The following NTNG1 variants were observed in gnomAD, a reference collection of about 807,000 sequenced individuals.
NTNG1 encodes the protein netrin G1, also known as netrin-G1.
In NTNG1, 16 loss-of-function variants were observed where a neutral mutation model predicts 54.0. The observed-to-expected ratio is 0.30, with a 90% CI of 0.20 to 0.45. The LOEUF (loss-of-function observed/expected upper bound fraction) is 0.45, where lower values mean the gene tolerates loss of function less well. Ranked by LOEUF, NTNG1 falls within the 20% of genes least tolerant of loss-of-function variation. NTNG1 has a pLI of 1.00. For missense variants in NTNG1, 530 were observed against 678.7 expected, an observed-to-expected ratio of 0.78 and a Z score of 2.43; for synonymous variants, 255 against 263.1, an observed-to-expected ratio of 0.97 and a Z score of 0.30.
intron 2 of NTNG1, among the ~76,000 whole-genome samples, chr1:107,246,962 T>C (rs1162468897): frequency 1.1e-5 from 1 of 87,120 alleles, no homozygotes; most frequent in African/African-American, 2.7e-5. Context: ...TGTCACATTA[T>C]CTGCCACTTC....
Position 107,395,236 on chromosome 1 carries a change from C to A in NTNG1, c.970C>A (p.Pro324Thr), listed in dbSNP as rs1167417730. Reference sequence around the variant, plus strand: ...CGAATGTGAGCACAACACTACAGGTCCAGACTGTGGGAAATGCAAGAAGAA... The same window carrying A: ...CGAATGTGAGCACAACACTACAGGTACAGACTGTGGGAAATGCAAGAAGAA... ...TCECEHNTTG[P>T]DCGKCKKNYQ... is the part of the protein sequence containing the mutation. The change falls in exon 4 of 8, where the codon CCA becomes ACA. Residue 324 changes from proline to threonine, a missense_variant. Physicochemically the swap from Pro to Thr is conservative, Grantham distance 38. Around this residue, in one of 2 missense-constraint regions of NTNG1, gnomAD observed 318 missense variants for 465.1 expected, o/e 0.68. Coordinates refer to ENST00000370068, the MANE Select transcript of NTNG1 (RefSeq NM_001113226.3). 2 of 1,613,510 alleles carry A rather than the reference C, an allele frequency of 1.2e-6. No homozygotes were observed. Among genetic ancestry groups the A allele is most frequent in the East Asian group, 4.5e-5 (2 of 44,870 alleles).
At position 107,484,210 on chromosome 1, in the gene NTNG1, C is replaced by T. The variant is rs1485440258; in HGVS notation, c.*3370C>T. On this transcript the variant is annotated 3_prime_UTR_variant, in exon 8 of 8. Coordinates refer to ENST00000370068, the MANE Select transcript of NTNG1 (RefSeq NM_001113226.3). ...GAGTGTTCACTGTGGAATTTACACACAAGCAAGGAGAAGCCACTTGCCATG... is the reference window on the plus strand; with the variant it reads ...GAGTGTTCACTGTGGAATTTACACATAAGCAAGGAGAAGCCACTTGCCATG... Among the ~76,000 whole-genome samples, 1 of 152,094 alleles carries T rather than the reference C, an allele frequency of 6.6e-6. No individual in the cohort carries two copies. The highest frequency in any genetic ancestry group is 1.5e-5 in the Non-Finnish European group (1 of 68,026).
At chr1:107,230,180 T>C (rs751075947) in intron 2 of NTNG1, among the ~76,000 whole-genome samples, 7 of 152,206 alleles carry the variant, frequency 4.6e-5, no homozygotes, top group African/African-American at 9.6e-5. Flanking sequence ...GTTACACTAG[T>C]TTTATAATCA....
At chr1:107,314,236 C>T (rs112271193) in intron 2 of NTNG1, among the ~76,000 whole-genome samples, 2 of 152,048 alleles carry the variant, frequency 1.3e-5, no homozygotes, top group African/African-American at 4.8e-5. Context: ...AACCCCGTCT[C>T]TACTAAAAAT....
At chr1:107,278,572 G>A (rs967310526) in intron 2 of NTNG1, among the ~76,000 whole-genome samples, 24 of 152,122 alleles carry the variant, frequency 1.6e-4, no homozygotes, top group Admixed American at 1.5e-3. Context: ...ACTGCCTAGA[G>A]GCAGTCTCTT....
At chr1:107,370,259 G>A (rs1224159976) in intron 3 of NTNG1, among the ~76,000 whole-genome samples, 1 of 142,762 alleles carries the variant, frequency 7.0e-6, no homozygotes, top group Admixed American at 7.0e-5. Context: ...AAAAAAAAAA[G>A]CTGCTGAGCT....
chr1:107,231,883 C>T (rs1481462438), intron 2 of NTNG1, among the ~76,000 whole-genome samples: 2 of 151,796 alleles, frequency 1.3e-5, no homozygotes, highest in Non-Finnish European at 2.9e-5. Flanking sequence ...ATGGATTGAC[C>T]CCTCCATTTA....
chr1:107,323,614 A>G (rs866984126), intron 2 of NTNG1, among the ~76,000 whole-genome samples: 1 of 152,098 alleles, frequency 6.6e-6, no homozygotes, highest in Non-Finnish European at 1.5e-5. Context: ...ACTTTCCTGA[A>G]CAATCCTTTT....
intron 2 of NTNG1, among the ~76,000 whole-genome samples, chr1:107,279,953 A>G (rs1263120364): frequency 6.6e-6 from 1 of 151,660 alleles, no homozygotes; most frequent in Admixed American, 6.6e-5. Context: ...GCACACCACC[A>G]TGTTTGGCTT....
At position 107,476,367 on chromosome 1, in the gene NTNG1, C is replaced by A. The variant is rs182092401; in HGVS notation, c.1391-4244C>A. On this transcript the variant is annotated intron_variant, in intron 7 of 7. Coordinates refer to ENST00000370068, the MANE Select transcript of NTNG1 (RefSeq NM_001113226.3). ...ATTCATCTTTTGCAACAACGACCAC[C>A]ACCACCCCAGCTCCAAATTTGTGTC... is the stretch of plus-strand genomic sequence containing the variant. Among the ~76,000 whole-genome samples, 435 of 152,226 alleles carry A rather than the reference C, an allele frequency of 2.9e-3. 2 individuals carry two copies. The highest frequency in any genetic ancestry group is 9.5e-3 in the African/African-American group (394 of 41,550).
At chr1:107,226,268 C>T (rs889530658) in intron 2 of NTNG1, among the ~76,000 whole-genome samples, 4 of 152,078 alleles carry the variant, frequency 2.6e-5, no homozygotes, top group Non-Finnish European at 5.9e-5. Context: ...GAATTGATCC[C>T]AGATGTTAAA....
intron 2 of NTNG1, among the ~76,000 whole-genome samples, chr1:107,208,603 C>G (rs1659374811): frequency 6.6e-6 from 1 of 152,078 alleles, no homozygotes; most frequent in African/African-American, 2.4e-5. Flanking sequence ...ATCTGTTGTC[C>G]CTGTCCCCAG....
upstream of NTNG1, among the ~76,000 whole-genome samples, chr1:107,140,476 T>C (rs1236608795): frequency 1.3e-5 from 2 of 151,834 alleles, no homozygotes; most frequent in Non-Finnish European, 2.9e-5. Flanking sequence ...GTGGGCCATG[T>C]ATATTTCATC....
chr1:107,405,588 G>T (rs548379017), intron 4 of NTNG1, among the ~76,000 whole-genome samples: 5 of 152,274 alleles, frequency 3.3e-5, no homozygotes, highest in African/African-American at 1.2e-4. Context: ...AGCAAATACT[G>T]CATCAAACAG....
chr1:107,284,115 G>A (rs1665042454), intron 2 of NTNG1, among the ~76,000 whole-genome samples: 1 of 152,008 alleles, frequency 6.6e-6, no homozygotes, highest in Non-Finnish European at 1.5e-5. Context: ...CTCCTTGAGG[G>A]TAGGTGTTAC....
intron 3 of NTNG1, among the ~76,000 whole-genome samples, chr1:107,335,982 A>ATG (rs1269664738): frequency 6.6e-6 from 1 of 151,946 alleles, no homozygotes; most frequent in Non-Finnish European, 1.5e-5. Flanking sequence ...TTGGAAGTCA[A>ATG]TGTTGCTAAG....
At chr1:107,219,586 T>G (rs1394708582) in intron 2 of NTNG1, among the ~76,000 whole-genome samples, 1 of 152,196 alleles carries the variant, frequency 6.6e-6, no homozygotes, top group African/African-American at 2.4e-5. Flanking sequence ...TTGAGATTCT[T>G]CTGTCTCATG....
intron 2 of NTNG1, among the ~76,000 whole-genome samples, chr1:107,281,712 T>A (rs2101729447): frequency 6.6e-6 from 1 of 152,250 alleles, no homozygotes; most frequent in East Asian, 1.9e-4. Context: ...CACACAAATT[T>A]TATTTAAAAT....
At chr1:107,151,662 A>G (rs1057318912) in intron 2 of NTNG1, among the ~76,000 whole-genome samples, 6 of 152,152 alleles carry the variant, frequency 3.9e-5, no homozygotes, top group Non-Finnish European at 7.4e-5. Context: ...AATTTCTTTA[A>G]TATAAAGTTG....
Sources: gnomAD v4.1 joint callset for allele counts (sites outside exome capture counted in the v4.1 genomes callset) on GRCh38, gnomAD v4.1.1 for gene constraint, gnomAD v4.1.1 regional missense constraint, MANE v1.5 for transcripts, NCBI Gene and HGNC (gene_info 2026-07-23, HGNC 2026-07-21) for gene names.